The following DISP1 variants were observed in gnomAD, a reference collection of about 807,000 sequenced individuals.
DISP1 encodes dispatched RND transporter family member 1.
Under a neutral mutation model 37.3 loss-of-function variants are expected in DISP1, and 30 were observed. The ratio of observed to expected loss-of-function variants is 0.80; its 90% confidence interval spans 0.60 to 1.09. The LOEUF (loss-of-function observed/expected upper bound fraction) is 1.09, where lower values mean the gene tolerates loss of function less well. Among genes scored for constraint, DISP1 ranks in the 50% least tolerant of loss-of-function variants. DISP1 has a pLI of 0.00. For missense variants in DISP1, 1,598 were observed against 1,879.5 expected (o/e 0.85, Z 2.77); for synonymous variants, 634 against 690.2 (o/e 0.92, Z 1.28).
intron 3 of DISP1, among the ~76,000 whole-genome samples, chr1:222,978,165 A>G (rs1572679503): frequency 6.6e-6 from 1 of 152,180 alleles, no homozygotes; most frequent in African/African-American, 2.4e-5. Flanking sequence ...CTATTTGTCT[A>G]CATCCTCTCC....
intron 1 of DISP1, among the ~76,000 whole-genome samples, chr1:222,912,747 C>T (rs1011077882): frequency 1.3e-5 from 2 of 152,070 alleles, no homozygotes; most frequent in Non-Finnish European, 2.9e-5. Flanking sequence ...ATTGTCAGGC[C>T]TTATTAGCCA....
At chr1:222,885,804 A>G (rs1670560316) in intron 1 of DISP1, among the ~76,000 whole-genome samples, 2 of 152,098 alleles carry the variant, frequency 1.3e-5, no homozygotes, top group African/African-American at 4.8e-5. Context: ...GTGAGGAAAT[A>G]TACGTATATG....
At chr1:222,995,290 T>C (rs1254092166) in intron 8 of DISP1, among the ~76,000 whole-genome samples, 2 of 152,254 alleles carry the variant, frequency 1.3e-5, no homozygotes, top group African/African-American at 4.8e-5. Flanking sequence ...CTGTTTTTCT[T>C]CTTTTGTTGT....
At chr1:222,927,138 CGT>C (rs1488002023) in intron 1 of DISP1, among the ~76,000 whole-genome samples, 2 of 149,396 alleles carry the variant, frequency 1.3e-5, no homozygotes, top group Non-Finnish European at 3.0e-5. Flanking sequence ...GAAGCTAAAG[CGT>C]GTTACATTCC....
intron 1 of DISP1, among the ~76,000 whole-genome samples, chr1:222,842,731 A>C (rs1049569324): frequency 6.6e-6 from 1 of 152,092 alleles, no homozygotes; most frequent in African/African-American, 2.4e-5. Flanking sequence ...AATGGTACTA[A>C]GAAGTCCTGT....
intron 5 of DISP1, 152 bp from the exon 6 acceptor site, chr1:222,991,368 T>A: frequency 2.3e-6 from 2 of 860,434 alleles, no homozygotes; most frequent in East Asian, 5.3e-5. Context: ...CATCTTGTTT[T>A]AATGCAGTCA....
rs763697337 is a variant in DISP1 at position 223,002,867 on chromosome 1, T to C, written c.1470T>C (p.Gly490=). The C allele has an allele frequency of 1.9e-6, 3 of 1,614,026 alleles. No homozygotes were observed. The highest frequency in any genetic ancestry group is 3.3e-5 in the Admixed American group (2 of 60,028). ...GVTTITGIEF[G]IKHSLFQDYL... ...CTACCATCACCGGGATTGAGTTTGG[T>C]ATCAAACACAGTTTGTTTCAGGATT... Residue 490 remains glycine (G), a synonymous_variant, in exon 9 of 9, where the codon GGT becomes GGC. Coordinates refer to ENST00000675850, the MANE Select transcript of DISP1 (RefSeq NM_001377229.1).
intron 1 of DISP1, among the ~76,000 whole-genome samples, chr1:222,908,524 T>C (rs1348240522): frequency 2.0e-5 from 3 of 152,158 alleles, no homozygotes; most frequent in Non-Finnish European, 4.4e-5. Flanking sequence ...GCCTCCCCAG[T>C]ATCTGGGATT....
At chr1:222,933,580 T>A (rs966783111) in intron 2 of DISP1, among the ~76,000 whole-genome samples, 1 of 151,996 alleles carries the variant, frequency 6.6e-6, no homozygotes, top group South Asian at 2.1e-4. Context: ...TCTTCAAATA[T>A]ATAATGTTTG....
At chr1:222,900,341 G>T (rs1194476395) in intron 1 of DISP1, among the ~76,000 whole-genome samples, 3 of 152,124 alleles carry the variant, frequency 2.0e-5, no homozygotes, top group Non-Finnish European at 4.4e-5. Context: ...GGATTAAAAT[G>T]ATATATGTGA....
intron 1 of DISP1, among the ~76,000 whole-genome samples, chr1:222,886,526 A>C (rs2125377310): frequency 6.6e-6 from 1 of 152,260 alleles, no homozygotes; most frequent in East Asian, 1.9e-4. Context: ...TTCTTCCTTA[A>C]GGAGGATTAA....
intron 3 of DISP1, among the ~76,000 whole-genome samples, chr1:222,976,948 C>T: frequency 6.6e-6 from 1 of 152,170 alleles, no homozygotes; most frequent in East Asian, 1.9e-4. Context: ...AAGTGATTTG[C>T]TTCCTTGTCC....
intron 3 of DISP1, among the ~76,000 whole-genome samples, chr1:222,974,207 CT>C (rs1321965905): frequency 5.3e-5 from 8 of 151,968 alleles, no homozygotes; most frequent in Non-Finnish European, 1.2e-4. Context: ...TACCTTTTTT[CT>C]CTTGGATAAT....
chr1:222,833,417 G>A (rs762455854), intron 1 of DISP1, among the ~76,000 whole-genome samples: 52 of 152,206 alleles, frequency 3.4e-4, no homozygotes, highest in Middle Eastern at 6.8e-3. Flanking sequence ...CCCCACAACC[G>A]CCCTCTAGTA....
intron 1 of DISP1, among the ~76,000 whole-genome samples, chr1:222,904,818 G>A (rs901184672): frequency 1.3e-5 from 2 of 151,900 alleles, no homozygotes; most frequent in Admixed American, 1.3e-4. Context: ...TGCCCACCTC[G>A]GTCTCACAAA....
At chr1:222,974,966 C>T (rs1467994074) in intron 3 of DISP1, among the ~76,000 whole-genome samples, 1 of 152,162 alleles carries the variant, frequency 6.6e-6, no homozygotes, top group African/African-American at 2.4e-5. Context: ...TAGCCTTTCA[C>T]AGAAAGACAG....
intron 1 of DISP1, among the ~76,000 whole-genome samples, chr1:222,915,453 T>G (rs1332405662): frequency 6.6e-6 from 1 of 152,190 alleles, no homozygotes; most frequent in Non-Finnish European, 1.5e-5. Context: ...TCAGTGTGAT[T>G]GAGGGCTGTG....
intron 1 of DISP1, among the ~76,000 whole-genome samples, chr1:222,883,277 A>G (rs1469889410): frequency 6.6e-6 from 1 of 152,196 alleles, no homozygotes; most frequent in African/African-American, 2.4e-5. Context: ...AACAATGTAC[A>G]TATATACAAA....
chr1:222,853,626 A>G (rs192754589), intron 1 of DISP1, among the ~76,000 whole-genome samples: 20 of 152,294 alleles, frequency 1.3e-4, no homozygotes, highest in Admixed American at 1.0e-3. Context: ...ATGTTAAGTG[A>G]AATAAGCCAG....
Sources: allele counts gnomAD v4.1 joint callset (sites outside exome capture counted in the v4.1 genomes callset), GRCh38; gene constraint gnomAD v4.1.1; transcripts MANE v1.5; gene names NCBI Gene and HGNC (gene_info 2026-07-23, HGNC 2026-07-21).